Variants in TNRC18 observed in about 807,000 individuals in gnomAD.
TNRC18 encodes the protein trinucleotide repeat containing 18.
In TNRC18, 69 loss-of-function variants were observed where a neutral mutation model predicts 226.7. The observed-to-expected ratio is 0.30, with a 90% CI of 0.25 to 0.37. TNRC18 has a LOEUF of 0.37. Among genes scored for constraint, TNRC18 ranks in the 10% least tolerant of loss-of-function variants. TNRC18 has a pLI of 1.00. For missense variants in TNRC18, 4,754 were observed against 4,256.6 expected, an observed-to-expected ratio of 1.12 and a Z score of -3.25; for synonymous variants, 2,449 against 1,927.6, an observed-to-expected ratio of 1.27 and a Z score of -7.09.
chr7:5,401,300 C>A (rs775302565), intron 2 of TNRC18, among the ~76,000 whole-genome samples: 11 of 152,116 alleles, frequency 7.2e-5, no homozygotes, highest in Non-Finnish European at 1.0e-4. Context: ...AACCAGAAGG[C>A]TTTGTCACTG....
At chr7:5,380,107 T>G (rs1779294888) in intron 5 of TNRC18, among the ~76,000 whole-genome samples, 1 of 152,118 alleles carries the variant, frequency 6.6e-6, no homozygotes, top group South Asian at 2.1e-4. Context: ...GCTTCTCCTC[T>G]CATCTCTCCC....
At position 5,309,066 on chromosome 7, in the gene TNRC18, C is replaced by T. The variant is rs926847545; in HGVS notation, c.8625+66G>A. On this transcript the variant is annotated intron_variant, in intron 28 of 29. Coordinates refer to ENST00000430969, the MANE Select transcript of TNRC18 (RefSeq NM_001080495.3). The surrounding 1 kb of genome is among the most constrained non-coding windows in gnomAD (Gnocchi z 5.7). Reference sequence around the variant, plus strand: ...GCTGCTGATGCTCCAGCACCCAGAACGCCTCGCCCTCAGGTCTGCCCTACA... The same window carrying T: ...GCTGCTGATGCTCCAGCACCCAGAATGCCTCGCCCTCAGGTCTGCCCTACA... 1.9e-5 allele frequency: 29 copies of T among 1,505,964 alleles called. No individual in the cohort carries two copies. The African/African-American group carries it at 2.2e-4, about 12-fold the overall frequency. 93.3% of individuals were successfully genotyped at this position (1,505,964 alleles called of 1,614,324 possible).
intron 19 of TNRC18, among the ~76,000 whole-genome samples, chr7:5,327,508 C>T (rs1271347260): frequency 1.3e-5 from 2 of 151,884 alleles, no homozygotes; most frequent in African/African-American, 4.8e-5. Context: ...ATGTTAGTGG[C>T]GCTGTCCCCT....
chr7:5,373,312 G>A lies in TNRC18; in HGVS notation c.3229+743C>T, dbSNP rs6945698. On this transcript the variant is annotated intron_variant, in intron 10 of 29. Coordinates refer to ENST00000430969, the MANE Select transcript of TNRC18 (RefSeq NM_001080495.3). ...GCAGTACAAGCTGGGGCAACAGAGT[G>A]AGGATCCCATCTCAAAAAAAAGAAA... Among the ~76,000 whole-genome samples the A allele has an allele frequency of 4.9e-3, 751 of 152,274 alleles. 7 individuals carry two copies. Among genetic ancestry groups the A allele is most frequent in the African/African-American group, 0.016 (670 of 41,548 alleles).
intron 4 of TNRC18, 152 bp from the exon 5 acceptor site, chr7:5,389,488 C>G (rs1261561768): frequency 1.5e-4 from 59 of 392,784 alleles, no homozygotes; most frequent in Admixed American, 4.7e-4. Flanking sequence ...GAGTCTCGCT[C>G]TCCTCACCCA....
chr7:5,348,127 G>A (rs1221115252), intron 17 of TNRC18, among the ~76,000 whole-genome samples: 1 of 152,192 alleles, frequency 6.6e-6, no homozygotes, highest in African/African-American at 2.4e-5. Context: ...CAGACAGGAG[G>A]CTCCCTGCAC....
At chr7:5,381,412 T>C (rs1182930770) in intron 5 of TNRC18, among the ~76,000 whole-genome samples, 1 of 151,902 alleles carries the variant, frequency 6.6e-6, no homozygotes, top group Non-Finnish European at 1.5e-5. Flanking sequence ...ACACACACCA[T>C]TCCCACCACC....
At chr7:5,420,670 A>C (rs1221491890) in intron 2 of TNRC18, 3 of 481,464 alleles carry the variant, frequency 6.2e-6, no homozygotes, top group Admixed American at 4.6e-5. Context: ...GTTTGCCAAG[A>C]AAAAGATTCG....
chr7:5,358,811 C>G (rs1301516426), intron 15 of TNRC18, among the ~76,000 whole-genome samples: 1 of 149,382 alleles, frequency 6.7e-6, no homozygotes. Flanking sequence ...GACTCTGTCT[C>G]AAAAAAACAA....
intron 19 of TNRC18, among the ~76,000 whole-genome samples, chr7:5,330,416 T>G (rs1326189420): frequency 5.9e-5 from 9 of 151,552 alleles, no homozygotes; most frequent in Non-Finnish European, 1.2e-4. Context: ...TTTTGTTGTT[T>G]TTTTTTTTTG....
chr7:5,421,354 G>C lies in TNRC18; in HGVS notation c.-108C>G, dbSNP rs1311504317. The C allele has an allele frequency of 4.7e-6, 5 of 1,067,838 alleles. No individual in the cohort carries two copies. The South Asian group carries it at 1.4e-4, about 30-fold the overall frequency. 66.1% of individuals were successfully genotyped at this position (1,067,838 alleles called of 1,614,324 possible). ...GTCCCAGAGTCCTCGGGCGGCGGGG[G>C]CTCCGCGGCGTGCATGGCGGCGGCC... is the stretch of plus-strand genomic sequence containing the variant. On this transcript the variant is annotated 5_prime_UTR_variant, in exon 2 of 30. Coordinates refer to ENST00000430969, the MANE Select transcript of TNRC18 (RefSeq NM_001080495.3).
At chr7:5,354,135 G>A (rs569684706) in intron 16 of TNRC18, among the ~76,000 whole-genome samples, 62 of 151,970 alleles carry the variant, frequency 4.1e-4, no homozygotes, top group Non-Finnish European at 5.4e-4. Flanking sequence ...CCCGGGAGGC[G>A]GAGGTCGCAG....
intron 21 of TNRC18, among the ~76,000 whole-genome samples, chr7:5,322,283 A>AATAATAATCATCATC (rs146792528): frequency 1.8e-4 from 27 of 149,390 alleles, no homozygotes; most frequent in African/African-American, 5.9e-4. Flanking sequence ...CCGTCTCAAT[A>AATAATAATCATCATC]ATCATCATCA....
intron 3 of TNRC18, among the ~76,000 whole-genome samples, chr7:5,392,021 T>C (rs955333067): frequency 6.6e-6 from 1 of 151,836 alleles, no homozygotes; most frequent in African/African-American, 2.4e-5. Flanking sequence ...CATACCCAGC[T>C]GCCCCTGCTA....
rs570627909 is a variant in TNRC18, at chr7:5,319,532, G to A, written c.6745+786C>T. On this transcript the variant is annotated intron_variant, in intron 24 of 29. Coordinates refer to ENST00000430969, the MANE Select transcript of TNRC18 (RefSeq NM_001080495.3). ...CCATTCTTTTTTCTTTTTTTGAGAC[G>A]TAGTCTCACTCTGTCACCCAGGCTA... is the stretch of plus-strand genomic sequence containing the variant. 3.3e-5 allele frequency among the ~76,000 whole-genome samples: 5 copies of A among 151,626 alleles called. No individual in the cohort carries two copies. The East Asian group carries it at 5.8e-4, about 18-fold the overall frequency.
intron 10 of TNRC18, among the ~76,000 whole-genome samples, chr7:5,372,205 C>T (rs1583957888): frequency 2.0e-5 from 3 of 151,886 alleles, no homozygotes; most frequent in Non-Finnish European, 2.9e-5. Flanking sequence ...GTAGCTGGGA[C>T]GACAGGCGCC....
intron 17 of TNRC18, among the ~76,000 whole-genome samples, chr7:5,347,268 A>G (rs1791293709): frequency 6.6e-6 from 1 of 151,044 alleles, no homozygotes. Context: ...GCGCACTGCA[A>G]GCTCCACCTC....
rs144111092 is a variant in TNRC18, at chr7:5,333,387, G to A, written c.5720-338C>T. Among the ~76,000 whole-genome samples the A allele has an allele frequency of 8.3e-3, 1,268 of 152,322 alleles. 16 individuals carry two copies. Among genetic ancestry groups the A allele is most frequent in the African/African-American group, 0.03 (1,238 of 41,586 alleles). On this transcript the variant is annotated intron_variant, in intron 18 of 29. Coordinates refer to ENST00000430969, the MANE Select transcript of TNRC18 (RefSeq NM_001080495.3). ...GCTGGGCAGGACGGGCCCCACACCTGCAGGGCAGCAGCCCTCTAAGGCAGG... is the reference window on the plus strand; with the variant it reads ...GCTGGGCAGGACGGGCCCCACACCTACAGGGCAGCAGCCCTCTAAGGCAGG...
chr7:5,416,910 G>A (rs751033986), intron 2 of TNRC18, among the ~76,000 whole-genome samples: 1 of 151,378 alleles, frequency 6.6e-6, no homozygotes, highest in African/African-American at 2.4e-5. Flanking sequence ...AGGAGCCCAG[G>A]AGTTTGAGGC....
Sources: allele counts gnomAD v4.1 joint callset (sites outside exome capture counted in the v4.1 genomes callset), GRCh38; gene constraint gnomAD v4.1.1; non-coding constraint Gnocchi (gnomAD v3.1); transcripts MANE v1.5; gene names NCBI Gene and HGNC (gene_info 2026-07-23, HGNC 2026-07-21).